FANCC: variants seen among roughly 807,000 people sequenced by gnomAD.
FANCC encodes Fanconi anemia group C protein.
In FANCC, 55 loss-of-function variants were observed where a neutral mutation model predicts 71.3. That is an observed-to-expected ratio of 0.77 (90% CI 0.62 to 0.97). FANCC has a LOEUF of 0.97. Among genes scored for constraint, FANCC ranks in the 50% least tolerant of loss-of-function variants. FANCC has a pLI of 0.00. For missense variants in FANCC, 678 were observed against 670.9 expected (o/e 1.01, Z -0.12); for synonymous variants, 275 against 244.9 (o/e 1.12, Z -1.15).
chr9:95,194,308 C>T (rs983294286), intron 4 of FANCC, among the ~76,000 whole-genome samples: 1 of 152,070 alleles, frequency 6.6e-6, no homozygotes, highest in African/African-American at 2.4e-5. Flanking sequence ...TTAATGGATT[C>T]CTCCACCCCC....
At chr9:95,265,251 A>G (rs1197427961) in intron 1 of FANCC, among the ~76,000 whole-genome samples, 1 of 152,224 alleles carries the variant, frequency 6.6e-6, no homozygotes, top group Non-Finnish European at 1.5e-5. Context: ...GGCAACTTCA[A>G]TCCAGGTGCA....
intron 1 of FANCC, among the ~76,000 whole-genome samples, chr9:95,311,646 G>A (rs1835409342): frequency 6.6e-6 from 1 of 151,808 alleles, no homozygotes; most frequent in African/African-American, 2.4e-5. Context: ...AAATAGTTGG[G>A]ACTACAGGTG....
intron 1 of FANCC, among the ~76,000 whole-genome samples, chr9:95,301,858 A>T (rs898166983): frequency 1.3e-5 from 2 of 149,386 alleles, no homozygotes; most frequent in Non-Finnish European, 3.0e-5. Context: ...CAGGTGAATC[A>T]CGAGGTCAGG....
At chr9:95,117,068 CACCT>C (rs1397599826) in intron 11 of FANCC, among the ~76,000 whole-genome samples, 1 of 152,228 alleles carries the variant, frequency 6.6e-6, no homozygotes, top group Non-Finnish European at 1.5e-5. Flanking sequence ...AGACTAGCAA[CACCT>C]ACCAGAGGCC....
At chr9:95,273,437 G>A (rs1237115243) in intron 1 of FANCC, among the ~76,000 whole-genome samples, 1 of 152,150 alleles carries the variant, frequency 6.6e-6, no homozygotes, top group Non-Finnish European at 1.5e-5. Context: ...GTTATGAAAA[G>A]GCTATGACCA....
chr9:95,216,090 C>A (rs558073477), intron 4 of FANCC, among the ~76,000 whole-genome samples: 1 of 152,014 alleles, frequency 6.6e-6, no homozygotes, highest in Non-Finnish European at 1.5e-5. Flanking sequence ...AAAAACTATA[C>A]GCTACCTATG....
At chr9:95,197,127 G>A (rs537077870) in intron 4 of FANCC, among the ~76,000 whole-genome samples, 23 of 152,284 alleles carry the variant, frequency 1.5e-4, no homozygotes, top group African/African-American at 5.3e-4. Context: ...TGAAAGTTGT[G>A]AACCCTCTTC....
At chr9:95,213,611 T>C (rs927804170) in intron 4 of FANCC, among the ~76,000 whole-genome samples, 5 of 152,078 alleles carry the variant, frequency 3.3e-5, no homozygotes, top group Non-Finnish European at 5.9e-5. Flanking sequence ...ATATGGAAAA[T>C]AATGCAACTG....
At chr9:95,140,101 A>G (rs1488163872) in intron 7 of FANCC, among the ~76,000 whole-genome samples, 1 of 152,058 alleles carries the variant, frequency 6.6e-6, no homozygotes, top group African/African-American at 2.4e-5. Flanking sequence ...AATAATTGGG[A>G]GAGTTTTCTG....
At chr9:95,213,812 T>C (rs1346116828) in intron 4 of FANCC, among the ~76,000 whole-genome samples, 1 of 152,136 alleles carries the variant, frequency 6.6e-6, no homozygotes, top group Non-Finnish European at 1.5e-5. Flanking sequence ...GCAAATCAAA[T>C]AGTCGAAATT....
chr9:95,105,727 C>T (rs1024679902), intron 14 of FANCC, among the ~76,000 whole-genome samples: 3 of 152,246 alleles, frequency 2.0e-5, no homozygotes, highest in Non-Finnish European at 4.4e-5. Flanking sequence ...CTAAGTGACT[C>T]ATACAACATC....
chr9:95,249,111 C>T lies in FANCC; in HGVS notation c.165+16G>A. ...GAAGTCAGAAAATAATTTCATTATT[C>T]TGGTCCACTACTTACCATCTCTTTC... is the stretch of plus-strand genomic sequence containing the variant. On this transcript the variant is annotated intron_variant, in intron 2 of 14. Transcript: ENST00000289081. The T allele has an allele frequency of 1.2e-6, 2 of 1,613,048 alleles. No individual in the cohort carries two copies. Among genetic ancestry groups the T allele is most frequent in the Non-Finnish European group, 1.7e-6 (2 of 1,179,468 alleles).
At chr9:95,174,447 C>T (rs946524842) in intron 4 of FANCC, among the ~76,000 whole-genome samples, 1 of 152,054 alleles carries the variant, frequency 6.6e-6, no homozygotes, top group African/African-American at 2.4e-5. Flanking sequence ...TCACAGCTAT[C>T]ACCAAATGTT....
chr9:95,243,001 G>C (rs1564788321), intron 3 of FANCC, among the ~76,000 whole-genome samples: 1 of 152,212 alleles, frequency 6.6e-6, no homozygotes, highest in Admixed American at 6.5e-5. Context: ...GAAAGGAAAG[G>C]AAGATAACAA....
chr9:95,160,222 A>T (rs1296261000), intron 6 of FANCC, among the ~76,000 whole-genome samples: 2 of 152,118 alleles, frequency 1.3e-5, no homozygotes, highest in Non-Finnish European at 2.9e-5. Flanking sequence ...TAAGGAAGGG[A>T]TCCAGTTTCA....
chr9:95,282,999 G>A (rs1833458243), intron 1 of FANCC, among the ~76,000 whole-genome samples: 1 of 152,222 alleles, frequency 6.6e-6, no homozygotes, highest in African/African-American at 2.4e-5. Context: ...CAAACTTTGA[G>A]AATGATCTAT....
chr9:95,277,958 A>G (rs796129809), intron 1 of FANCC, among the ~76,000 whole-genome samples: 3 of 152,356 alleles, frequency 2.0e-5, no homozygotes, highest in African/African-American at 7.2e-5. Flanking sequence ...AACACTGATA[A>G]TTATGTAATT....
chr9:95,139,072 T>C (rs1828171293), intron 7 of FANCC, among the ~76,000 whole-genome samples: 1 of 152,220 alleles, frequency 6.6e-6, no homozygotes, highest in Non-Finnish European at 1.5e-5. Flanking sequence ...CTTGATATGC[T>C]TGCTTAACAG....
chr9:95,135,540 G>A, intron 7 of FANCC, 38 bp from the exon 8 acceptor site: 1 of 1,590,066 alleles, frequency 6.3e-7, no homozygotes, highest in Non-Finnish European at 8.6e-7. Context: ...AAACAGAAAT[G>A]GCTCACTGAA....
Sources: allele counts gnomAD v4.1 joint callset (sites outside exome capture counted in the v4.1 genomes callset), GRCh38; gene constraint gnomAD v4.1.1; transcripts MANE v1.5; gene names NCBI Gene and HGNC (gene_info 2026-07-23, HGNC 2026-07-21).